HADHA: variants seen among roughly 807,000 people sequenced by gnomAD.
The protein encoded by HADHA is trifunctional enzyme subunit alpha, mitochondrial.
A neutral mutation model predicts 91.3 loss-of-function variants in HADHA; 59 were observed. The ratio of observed to expected loss-of-function variants is 0.65; its 90% CI spans 0.52 to 0.80. The LOEUF (loss-of-function observed/expected upper bound fraction) is 0.80. HADHA is among the 30% of genes least tolerant of loss of function. HADHA has a pLI of 0.00. For missense variants in HADHA, 800 were observed against 927.6 expected (o/e 0.86, Z 1.79); for synonymous variants, 320 against 338.9 (o/e 0.94, Z 0.61).
In HADHA at chr2:26,210,680, C is replaced by T. The variant is rs1216864324; in HGVS notation, c.976-791G>A. Reference sequence around the variant, plus strand: ...TTCTTTTTCCACTGTAGCAGGCTGCCCACGTGGGACTTACCACTTTTAAAA... The same window carrying T: ...TTCTTTTTCCACTGTAGCAGGCTGCTCACGTGGGACTTACCACTTTTAAAA... On this transcript the variant is annotated intron_variant, in intron 10 of 19. Transcript: ENST00000380649. The surrounding 1 kb of genome is among the most constrained non-coding windows in gnomAD (Gnocchi z 4.0). 6.6e-6 allele frequency: 1 copy of T among 152,180 alleles called. No homozygotes were observed. Among genetic ancestry groups the T allele is most frequent in the Non-Finnish European group, 1.5e-5 (1 of 68,046 alleles). The allele number at this position is 152,180 out of a possible 1,614,324, so 9.4% of individuals were successfully genotyped here.
chr2:26,223,141 T>A (rs1205997012), intron 7 of HADHA, among the ~76,000 whole-genome samples: 2 of 152,140 alleles, frequency 1.3e-5, no homozygotes, highest in Non-Finnish European at 2.9e-5. Flanking sequence ...GACACAACAA[T>A]GATTCTACTG....
Position 26,236,785 on chromosome 2 carries a change from G to T in HADHA, c.314+70C>A, listed in dbSNP as rs558371535. 1.2e-5 allele frequency: 15 copies of T among 1,222,394 alleles called. No homozygotes were observed. The East Asian group carries it at 2.6e-4, about 21-fold the overall frequency. The allele number at this position is 1,222,394 out of a possible 1,614,324, so 75.7% of individuals were successfully genotyped here. A position where few individuals can be genotyped will look rare whatever the true frequency, so the allele number is the denominator to read the frequency against. ...GCACTTCTACTTTCTTTTAAAAGGA[G>T]AAATTATTAGGCCTAAGAAACACAC... On this transcript the variant is annotated intron_variant, in intron 4 of 19. Coordinates refer to ENST00000380649, the MANE Select transcript of HADHA (RefSeq NM_000182.5).
chr2:26,232,951 T>C (rs1281428927), intron 5 of HADHA, among the ~76,000 whole-genome samples: 3 of 151,744 alleles, frequency 2.0e-5, no homozygotes, highest in Non-Finnish European at 4.4e-5. Flanking sequence ...TGAAAGGCAA[T>C]TTTTCCAAGA....
intron 16 of HADHA, 46 bp downstream of exon 16, chr2:26,194,524 T>C (rs1468355561): frequency 9.0e-7 from 1 of 1,108,848 alleles, no homozygotes; most frequent in African/African-American, 1.5e-5. Context: ...TTAGAGTGAC[T>C]GAAGGAGTGG....
chr2:26,231,905 G>C (rs537891441), intron 6 of HADHA, among the ~76,000 whole-genome samples: 37 of 148,954 alleles, frequency 2.5e-4, no homozygotes, highest in African/African-American at 8.9e-4. Context: ...GGAGGAGAAG[G>C]TTGCAGTGAG....
chr2:26,241,480 A>AAC (rs1558332948), intron 1 of HADHA, among the ~76,000 whole-genome samples: 68 of 146,982 alleles, frequency 4.6e-4, no homozygotes, highest in African/African-American at 1.4e-3. Context: ...ACAACAACAA[A>AAC]AAAAAAAAAA....
intron 7 of HADHA, among the ~76,000 whole-genome samples, chr2:26,228,742 G>C (rs1175848818): frequency 3.3e-5 from 5 of 152,134 alleles, no homozygotes; most frequent in African/African-American, 1.2e-4. Context: ...TGTGATCATA[G>C]CTCACTACAG....
chr2:26,215,302 G>A (rs1342925122), intron 7 of HADHA, 127 bp from the exon 8 acceptor site: 18 of 821,902 alleles, frequency 2.2e-5, no homozygotes, highest in African/African-American at 1.7e-5. Context: ...AGACTGGTAG[G>A]TGGCAAAGTC....
At chr2:26,238,880 G>T in intron 3 of HADHA, 54 bp downstream of exon 3, 1 of 1,023,142 alleles carries the variant, frequency 9.8e-7, no homozygotes, top group Non-Finnish European at 1.6e-6. Context: ...TTCCCATTCA[G>T]GACTAGATTC....
intron 7 of HADHA, among the ~76,000 whole-genome samples, chr2:26,220,911 C>G (rs994053486): frequency 6.6e-6 from 1 of 152,158 alleles, no homozygotes; most frequent in Admixed American, 6.5e-5. Flanking sequence ...TCTAGACATA[C>G]TGGGGGTAAG....
chr2:26,197,110 A>G (rs1669696970), intron 14 of HADHA, among the ~76,000 whole-genome samples: 1 of 152,224 alleles, frequency 6.6e-6, no homozygotes, highest in Admixed American at 6.5e-5. Flanking sequence ...GCAGAGGCTA[A>G]CTGGTATCCT....
chr2:26,239,208 C>A (rs1460272595), intron 1 of HADHA, 65 bp from the exon 2 acceptor site: 1 of 1,048,182 alleles, frequency 9.5e-7, no homozygotes, highest in African/African-American at 1.6e-5. Flanking sequence ...TTATATATAA[C>A]AAAGCTGTAA....
At position 26,229,120 on chromosome 2, in the gene HADHA, T is replaced by C. The variant is rs1450427511; in HGVS notation, c.676+1072A>G. 6.6e-6 allele frequency among the ~76,000 whole-genome samples: 1 copy of C among 152,082 alleles called. No homozygotes were observed. Among genetic ancestry groups the C allele is most frequent in the Non-Finnish European group, 1.5e-5 (1 of 68,002 alleles). ...CTTTGGGTGGCTGAGGGAGGAGGAT[T>C]ACTTGAGCCCGGAGTTTGAGACTAG... On this transcript the variant is annotated intron_variant, in intron 7 of 19. Coordinates refer to ENST00000380649, the MANE Select transcript of HADHA (RefSeq NM_000182.5). The surrounding 1 kb of genome is among the most constrained non-coding windows in gnomAD (Gnocchi z 4.3).
intron 1 of HADHA, among the ~76,000 whole-genome samples, chr2:26,241,677 A>C (rs1670894830): frequency 6.6e-6 from 1 of 151,910 alleles, no homozygotes; most frequent in Admixed American, 6.6e-5. Context: ...AAAACAAACA[A>C]ACAAAAAAAC....
rs1670768205 is a variant in HADHA at position 26,236,629 on chromosome 2, G to A, written c.314+226C>T. ...AGGGTTTCACCATGTTGGCCAGGCT[G>A]GTCTTGAGCTCTTGGCCTCATGTGA... On this transcript the variant is annotated intron_variant, in intron 4 of 19. Coordinates refer to ENST00000380649, the MANE Select transcript of HADHA (RefSeq NM_000182.5). 2.6e-5 allele frequency among the ~76,000 whole-genome samples: 4 copies of A among 151,922 alleles called. No homozygotes were observed. In the South Asian group the frequency reaches 8.3e-4, roughly 31 times the overall value.
chr2:26,233,845 C>G (rs1670682716), intron 5 of HADHA, among the ~76,000 whole-genome samples: 1 of 152,184 alleles, frequency 6.6e-6, no homozygotes, highest in Non-Finnish European at 1.5e-5. Flanking sequence ...CTTTGGGAGG[C>G]CGAGGCGGGA....
At chr2:26,238,004 TTTG>T (rs942127250) in intron 3 of HADHA, among the ~76,000 whole-genome samples, 37 of 152,116 alleles carry the variant, frequency 2.4e-4, no homozygotes, top group African/African-American at 8.2e-4. Context: ...TGGCTATAAG[TTTG>T]TTGTTGTTGT....
chr2:26,191,339 T>G lies in HADHA; in HGVS notation c.2203A>C (p.Lys735Gln). The change falls in exon 20 of 20, where the codon AAA becomes CAA. Residue 735 changes from lysine to glutamine, a missense_variant. Transcript: ENST00000380649. The part of the protein sequence containing the change: ...GAQKIVDRLK[K>Q]YEAAYGKQFT... ...TGTTTTCCATAGGCAGCTTCATATTTCTTGAGCCGGTCCACTATCTTCTGG... is the reference window on the plus strand; with the variant it reads ...TGTTTTCCATAGGCAGCTTCATATTGCTTGAGCCGGTCCACTATCTTCTGG... The G allele has an allele frequency of 6.2e-7, 1 of 1,614,112 alleles. No individual in the cohort carries two copies. The highest frequency in any genetic ancestry group is 8.5e-7 in the Non-Finnish European group (1 of 1,180,028).
rs759539769 is a variant in HADHA, at chr2:26,215,186, G to A, written c.677-11C>T. On this transcript the variant is annotated splice_polypyrimidine_tract_variant and intron_variant, in intron 7 of 19. Transcript: ENST00000380649. The stretch of plus-strand genomic sequence containing the variant: ...GTTTTAGTCCTGGTCCTATAAAAAT[G>A]AATGCAACACTGGAATGCAAATCAG... 1.2e-5 allele frequency: 20 copies of A among 1,612,386 alleles called. No individual in the cohort carries two copies. Among genetic ancestry groups the A allele is most frequent in the Non-Finnish European group, 1.7e-5 (20 of 1,178,704 alleles).
Sources: allele counts gnomAD v4.1 joint callset (sites outside exome capture counted in the v4.1 genomes callset), GRCh38; gene constraint gnomAD v4.1.1; non-coding constraint Gnocchi (gnomAD v3.1); transcripts MANE v1.5; gene names NCBI Gene and HGNC (gene_info 2026-07-23, HGNC 2026-07-21).